KHDRBS2: variants seen among roughly 807,000 people sequenced by gnomAD.
KHDRBS2 encodes KH RNA binding domain containing, signal transduction associated 2, also known as KH domain-containing, RNA-binding, signal transduction-associated protein 2.
KHDRBS2 carries 26 observed loss-of-function variants against 44.3 expected under a neutral mutation model. The observed-to-expected ratio is 0.59, with a 90% CI of 0.43 to 0.81. The LOEUF (loss-of-function observed/expected upper bound fraction) is 0.81, where lower values mean the gene tolerates loss of function less well. Among genes scored for constraint, KHDRBS2 ranks in the 40% least tolerant of loss-of-function variants. KHDRBS2 has a pLI of 0.00. For missense variants in KHDRBS2, 476 were observed against 433.1 expected, an observed-to-expected ratio of 1.10 and a Z score of -0.88; for synonymous variants, 194 against 151.1, an observed-to-expected ratio of 1.28 and a Z score of -2.08.
chr6:61,556,913 G>A, the KHDRBS2 span, among the ~76,000 whole-genome samples: 3 of 122,458 alleles, frequency 2.4e-5, no homozygotes, highest in African/African-American at 9.2e-5. Context: ...GCTTTACTGA[G>A]AGTGCATAGT....
chr6:61,883,111 T>C (rs1034166901), intron 6 of KHDRBS2, among the ~76,000 whole-genome samples: 3 of 152,032 alleles, frequency 2.0e-5, no homozygotes, highest in Non-Finnish European at 2.9e-5. Context: ...AATATACCCA[T>C]AGAAATAAAT....
At chr6:61,729,820 T>G (rs1454681595) in intron 7 of KHDRBS2, among the ~76,000 whole-genome samples, 1 of 152,184 alleles carries the variant, frequency 6.6e-6, no homozygotes, top group African/African-American at 2.4e-5. Flanking sequence ...GTTTTAGCAG[T>G]TTTTGCATAT....
chr6:62,102,154 A>G (rs1417645750), intron 2 of KHDRBS2, among the ~76,000 whole-genome samples: 1 of 152,222 alleles, frequency 6.6e-6, no homozygotes, highest in Non-Finnish European at 1.5e-5. Flanking sequence ...ATTATTTAAT[A>G]GGACTTGAAA....
intron 4 of KHDRBS2, among the ~76,000 whole-genome samples, chr6:61,953,299 C>T (rs570542829): frequency 8.0e-4 from 121 of 152,018 alleles, no homozygotes; most frequent in Non-Finnish European, 1.2e-3. Context: ...TAACCCCAAA[C>T]GATCTTGTGT....
chr6:62,095,074 TG>T (rs1255166610), intron 2 of KHDRBS2, among the ~76,000 whole-genome samples: 2 of 151,922 alleles, frequency 1.3e-5, no homozygotes, highest in African/African-American at 4.8e-5. Context: ...ATTATATGAT[TG>T]TTTTTTTCTC....
the KHDRBS2 span, among the ~76,000 whole-genome samples, chr6:61,587,409 T>G: frequency 6.6e-6 from 1 of 151,998 alleles, no homozygotes; most frequent in Non-Finnish European, 1.5e-5. Context: ...GGGCAGAACC[T>G]ACTGTGAGAG....
intron 3 of KHDRBS2, among the ~76,000 whole-genome samples, chr6:62,011,612 C>T (rs1780301076): frequency 6.6e-6 from 1 of 152,130 alleles, no homozygotes; most frequent in South Asian, 2.1e-4. Context: ...ACACCGGGAT[C>T]AATGACAGTG....
chr6:61,858,772 T>A (rs1341811559), intron 6 of KHDRBS2, among the ~76,000 whole-genome samples: 1 of 151,978 alleles, frequency 6.6e-6, no homozygotes, highest in Non-Finnish European at 1.5e-5. Flanking sequence ...TTCAAAGATG[T>A]ATCTTCTCCA....
chr6:61,880,840 C>T (rs1800106614), intron 6 of KHDRBS2, among the ~76,000 whole-genome samples: 1 of 151,900 alleles, frequency 6.6e-6, no homozygotes, highest in Admixed American at 6.6e-5. Context: ...AAAGAATATT[C>T]TTACATGATT....
chr6:62,087,458 A>G (rs573301558), intron 2 of KHDRBS2, among the ~76,000 whole-genome samples: 1 of 152,130 alleles, frequency 6.6e-6, no homozygotes, highest in Non-Finnish European at 1.5e-5. Flanking sequence ...TATGAAAAAT[A>G]AAAGATAGAA....
chr6:62,031,473 TA>T (rs1413145730), intron 3 of KHDRBS2, among the ~76,000 whole-genome samples: 3 of 152,058 alleles, frequency 2.0e-5, no homozygotes, highest in Non-Finnish European at 4.4e-5. Flanking sequence ...ACTTGAATCT[TA>T]ACATGGCATT....
intron 6 of KHDRBS2, among the ~76,000 whole-genome samples, chr6:61,737,753 C>T (rs2127562620): frequency 6.6e-6 from 1 of 152,028 alleles, no homozygotes. Flanking sequence ...AATCCTGAAT[C>T]CTAATAAGAT....
chr6:61,681,005 T>G lies in KHDRBS2; in HGVS notation c.1008A>C (p.Ser336=). 1 of 1,611,958 alleles carries G rather than the reference T, an allele frequency of 6.2e-7. No homozygotes were observed. The highest frequency in any genetic ancestry group is 1.1e-5 in the South Asian group (1 of 91,024). Residue 336 remains serine, a synonymous_variant, in exon 9 of 9, where the codon TCA becomes TCC. Coordinates refer to ENST00000281156, the MANE Select transcript of KHDRBS2 (RefSeq NM_152688.4). ...GGTGTTCCCTGTATCCCCCTCTGGC[T>G]GACCTTTGCGGTGGTGCCTTCAAGC... is the stretch of plus-strand genomic sequence containing the variant. ...RSSLKAPPQR[S]ARGGYREHPY... is the part of the protein sequence containing the mutation.
chr6:61,715,069 A>G (rs1254186111), intron 7 of KHDRBS2, among the ~76,000 whole-genome samples: 1 of 151,956 alleles, frequency 6.6e-6, no homozygotes, highest in Non-Finnish European at 1.5e-5. Flanking sequence ...TACCCCATAA[A>G]TTTATACAAC....
intron 2 of KHDRBS2, among the ~76,000 whole-genome samples, chr6:62,154,369 G>T (rs1815906135): frequency 6.6e-6 from 1 of 152,068 alleles, no homozygotes; most frequent in Admixed American, 6.6e-5. Flanking sequence ...GAAGAAAAAG[G>T]AAACAAAATT....
At chr6:62,007,310 AG>A (rs1779426293) in intron 3 of KHDRBS2, among the ~76,000 whole-genome samples, 1 of 152,066 alleles carries the variant, frequency 6.6e-6, no homozygotes, top group Non-Finnish European at 1.5e-5. Flanking sequence ...TGTCCAGTAA[AG>A]GTCCAGTTCT....
At chr6:61,832,429 A>G (rs567667499) in intron 6 of KHDRBS2, among the ~76,000 whole-genome samples, 12 of 152,216 alleles carry the variant, frequency 7.9e-5, no homozygotes, top group African/African-American at 2.6e-4. Flanking sequence ...AGTAACTTCA[A>G]AAGTGCAAAT....
intron 2 of KHDRBS2, among the ~76,000 whole-genome samples, chr6:62,091,526 T>C (rs1799495578): frequency 1.3e-5 from 2 of 152,202 alleles, no homozygotes; most frequent in Admixed American, 6.5e-5. Flanking sequence ...TTTCCTTTAA[T>C]AAACTGTATT....
the KHDRBS2 span, among the ~76,000 whole-genome samples, chr6:61,641,148 T>A: frequency 6.6e-6 from 1 of 152,154 alleles, no homozygotes; most frequent in Non-Finnish European, 1.5e-5. Flanking sequence ...ACCTCCATTT[T>A]CCTATGGATT....
Sources: gnomAD v4.1 joint callset for allele counts (sites outside exome capture counted in the v4.1 genomes callset) on GRCh38, gnomAD v4.1.1 for gene constraint, MANE v1.5 for transcripts, NCBI Gene and HGNC (gene_info 2026-07-23, HGNC 2026-07-21) for gene names.